The following FRYL variants were observed in gnomAD, a reference collection of about 807,000 sequenced individuals.
The protein encoded by FRYL is protein furry homolog-like.
Under a neutral mutation model 351.2 loss-of-function variants are expected in FRYL, and 150 were observed. The observed-to-expected ratio is 0.43, with a 90% CI of 0.37 to 0.49. The LOEUF (loss-of-function observed/expected upper bound fraction) is 0.49. Ranked by LOEUF, FRYL falls within the 20% of genes least tolerant of loss-of-function variation. The pLI, the probability that FRYL is intolerant of heterozygous loss-of-function variation, is 0.00. For missense variants in FRYL, 3,036 were observed against 3,619.3 expected (o/e 0.84, Z 4.13); for synonymous variants, 1,153 against 1,257.1 (o/e 0.92, Z 1.75).
intron 3 of FRYL, among the ~76,000 whole-genome samples, chr4:48,640,468 T>C (rs1755104869): frequency 6.6e-6 from 1 of 152,130 alleles, no homozygotes; most frequent in Non-Finnish European, 1.5e-5. Flanking sequence ...GTAGAGTCAA[T>C]AAAATGATCA....
intron 39 of FRYL, 94 bp from the exon 40 acceptor site, chr4:48,548,887 A>C (rs1471935226): frequency 1.5e-6 from 1 of 661,464 alleles, no homozygotes; most frequent in East Asian, 2.9e-5. Context: ...TTAATATCAC[A>C]TTTCATGGAA....
intron 35 of FRYL, among the ~76,000 whole-genome samples, chr4:48,555,098 AAAT>A (rs1341785064): frequency 7.2e-5 from 11 of 152,242 alleles, no homozygotes; most frequent in Admixed American, 2.6e-4. Context: ...AGTGCTTAAA[AAAT>A]AATAACCAAT....
chr4:48,502,970 C>A, intron 60 of FRYL, 125 bp from the exon 61 acceptor site: 1 of 640,378 alleles, frequency 1.6e-6, no homozygotes, highest in East Asian at 3.0e-5. Flanking sequence ...TATATTTATA[C>A]CCCAAAGAAA....
Position 48,571,022 on chromosome 4 carries a change from T to C in FRYL, c.2905-104A>G, listed in dbSNP as rs1738199479. ...AGGTTCTGGGCTCATTGAAGTTATT[T>C]TGCTTGTACAGTGTAGACTGTGGGT... On this transcript the variant is annotated intron_variant, in intron 26 of 63. Coordinates refer to ENST00000358350, the MANE Select transcript of FRYL (RefSeq NM_015030.2). 3.5e-5 allele frequency: 30 copies of C among 848,020 alleles called. No homozygotes were observed. In the South Asian group the frequency reaches 4.5e-4, roughly 13 times the overall value. 52.5% of individuals were successfully genotyped at this position (848,020 alleles called of 1,614,324 possible).
At chr4:48,736,999 G>T (rs1248271788) in intron 1 of FRYL, among the ~76,000 whole-genome samples, 1 of 151,762 alleles carries the variant, frequency 6.6e-6, no homozygotes, top group African/African-American at 2.4e-5. Context: ...GAAAGAGGTG[G>T]CCGGGCGTGG....
At position 48,557,777 on chromosome 4, in the gene FRYL, T is replaced by C. The variant is rs1243470026; in HGVS notation, c.3866-65A>G. 9 of 1,564,098 alleles carry C rather than the reference T, an allele frequency of 5.8e-6. No individual in the cohort carries two copies. The African/African-American group carries it at 9.5e-5, about 17-fold the overall frequency. ...CAGCTTCCTCTGACCCGTAATTAAT[T>C]CCAACAGATTTCAGAAGCCAGATTT... On this transcript the variant is annotated intron_variant, in intron 33 of 63. Transcript: ENST00000358350.
intron 7 of FRYL, among the ~76,000 whole-genome samples, chr4:48,616,138 A>G (rs1702795): frequency 0.95 from 143,888 of 151,854 alleles, 68,275 homozygotes; most frequent in South Asian, 0.98. Flanking sequence ...TGATGGGTGC[A>G]GCAAACCATC....
chr4:48,572,362 T>C (rs1738520095), intron 26 of FRYL, among the ~76,000 whole-genome samples: 1 of 152,352 alleles, frequency 6.6e-6, no homozygotes, highest in East Asian at 1.9e-4. Flanking sequence ...TAGTTTTTCA[T>C]GAGATATTTC....
At chr4:48,499,985 C>T in intron 63 of FRYL, 45 bp downstream of exon 63, 9 of 1,296,610 alleles carry the variant, frequency 6.9e-6, no homozygotes, top group Non-Finnish European at 9.7e-6. Flanking sequence ...ACTAAACTTC[C>T]TGTCTAATTT....
At chr4:48,531,069 A>C in intron 50 of FRYL, 87 bp downstream of exon 50, 1 of 918,672 alleles carries the variant, frequency 1.1e-6, no homozygotes. Flanking sequence ...GTATGAGCTC[A>C]ATCAATGTTT....
At chr4:48,568,574 A>T (rs2149094857) in intron 27 of FRYL, among the ~76,000 whole-genome samples, 3 of 149,878 alleles carry the variant, frequency 2.0e-5, no homozygotes, top group African/African-American at 4.9e-5. Flanking sequence ...TTTAAAGGTA[A>T]TTTTTTTTTT....
At chr4:48,546,444 G>C (rs1731352169) in intron 41 of FRYL, 173 bp from the exon 42 acceptor site, 1 of 605,016 alleles carries the variant, frequency 1.7e-6, no homozygotes, top group Non-Finnish European at 2.9e-6. Context: ...ATTACAGCAA[G>C]TAAGTTTTGG....
At chr4:48,631,581 A>G (rs1436341039) in intron 4 of FRYL, among the ~76,000 whole-genome samples, 1 of 152,122 alleles carries the variant, frequency 6.6e-6, no homozygotes, top group African/African-American at 2.4e-5. Context: ...CCACAGATAC[A>G]GAGATGAGAG....
chr4:48,566,662 T>C (rs541827106), intron 28 of FRYL, among the ~76,000 whole-genome samples: 2 of 152,344 alleles, frequency 1.3e-5, no homozygotes, highest in African/African-American at 4.8e-5. Flanking sequence ...AATGTGACTT[T>C]AATTTTTCAA....
At chr4:48,711,948 A>G (rs1321333750) in intron 1 of FRYL, among the ~76,000 whole-genome samples, 1 of 152,228 alleles carries the variant, frequency 6.6e-6, no homozygotes, top group East Asian at 1.9e-4. Context: ...GCTAATACCC[A>G]GGCAAACAGG....
intron 3 of FRYL, among the ~76,000 whole-genome samples, chr4:48,655,943 G>A (rs937975597): frequency 9.5e-5 from 13 of 137,552 alleles, no homozygotes; most frequent in African/African-American, 1.8e-4. Context: ...CATTATATGC[G>A]TAATTATATG....
rs1338725224 is a variant in FRYL at position 48,725,165 on chromosome 4, C to A, written c.-383-14467G>T. 4.6e-5 allele frequency among the ~76,000 whole-genome samples: 7 copies of A among 152,200 alleles called. No individual in the cohort carries two copies. The East Asian group carries it at 1.3e-3, about 29-fold the overall frequency. ...TTCACAAAGGTATTTTGACATGAGA[C>A]AAAAGAGAATCAATCTGCCCTTACA... On this transcript the variant is annotated intron_variant, in intron 1 of 63. Coordinates refer to ENST00000358350, the MANE Select transcript of FRYL (RefSeq NM_015030.2).
intron 1 of FRYL, among the ~76,000 whole-genome samples, chr4:48,758,235 G>A (rs1276057057): frequency 2.0e-5 from 3 of 152,210 alleles, no homozygotes; most frequent in Admixed American, 6.5e-5. Flanking sequence ...ATTGACAAAT[G>A]AGATCTAATT....
chr4:48,626,743 A>G (rs1272864358), intron 4 of FRYL, among the ~76,000 whole-genome samples: 4 of 152,142 alleles, frequency 2.6e-5, no homozygotes, highest in African/African-American at 4.8e-5. Flanking sequence ...GAAATAAACA[A>G]GAAATATATA....
Sources: allele counts gnomAD v4.1 joint callset (sites outside exome capture counted in the v4.1 genomes callset), GRCh38; gene constraint gnomAD v4.1.1; transcripts MANE v1.5; gene names NCBI Gene and HGNC (gene_info 2026-07-23, HGNC 2026-07-21).